FRMPD2: variants seen among roughly 807,000 people sequenced by gnomAD.
The protein encoded by FRMPD2 is FERM and PDZ domain-containing protein 2.
FRMPD2 carries 96 observed loss-of-function variants against 140.1 expected under a neutral mutation model. The ratio of observed to expected loss-of-function variants is 0.69; its 90% confidence interval spans 0.58 to 0.81. The LOEUF is 0.81. FRMPD2 is among the 40% of genes least tolerant of loss of function. The pLI is 0.00. For missense variants in FRMPD2, 1,240 were observed against 1,447.4 expected (o/e 0.86, Z 2.32); for synonymous variants, 449 against 547.6 (o/e 0.82, Z 2.52).
At chr10:48,193,947 G>C (rs1246116522) in intron 15 of FRMPD2, among the ~76,000 whole-genome samples, 1 of 152,192 alleles carries the variant, frequency 6.6e-6, no homozygotes, top group Non-Finnish European at 1.5e-5. Flanking sequence ...CTGCATGCAT[G>C]AGGCACTATG....
intron 12 of FRMPD2, among the ~76,000 whole-genome samples, chr10:48,216,565 G>T (rs1041252201): frequency 8.5e-5 from 13 of 152,144 alleles, no homozygotes; most frequent in Non-Finnish European, 1.8e-4. Context: ...TCCTGTATCT[G>T]AATCTACAGA....
chr10:48,189,101 C>A (rs1243262959), intron 16 of FRMPD2, among the ~76,000 whole-genome samples: 1 of 152,146 alleles, frequency 6.6e-6, no homozygotes, highest in Non-Finnish European at 1.5e-5. Flanking sequence ...TATTTTACCA[C>A]CATTTAAAAA....
At chr10:48,244,730 T>G in intron 4 of FRMPD2, 54 bp downstream of exon 4, 1 of 1,391,614 alleles carries the variant, frequency 7.2e-7, no homozygotes, top group Non-Finnish European at 1.0e-6. Flanking sequence ...AGAAAACCAC[T>G]AAATAAACCC....
At chr10:48,160,043 A>G (rs1463263717) in intron 28 of FRMPD2, among the ~76,000 whole-genome samples, 2 of 151,582 alleles carry the variant, frequency 1.3e-5, no homozygotes, top group African/African-American at 4.9e-5. Context: ...GGCAAATAAC[A>G]TCACTCCTTC....
intron 18 of FRMPD2, 116 bp downstream of exon 18, chr10:48,185,437 A>G (rs1240193930): frequency 1.4e-6 from 1 of 724,218 alleles, no homozygotes; most frequent in Non-Finnish European, 2.5e-6. Context: ...GAAAAGGCAG[A>G]CTGGGAGAGG....
chr10:48,261,031 T>C (rs1840581278), intron 1 of FRMPD2, among the ~76,000 whole-genome samples: 1 of 152,084 alleles, frequency 6.6e-6, no homozygotes, highest in Admixed American at 6.6e-5. Context: ...GCTCATCCAG[T>C]AGATTAGACA....
intron 27 of FRMPD2, among the ~76,000 whole-genome samples, chr10:48,167,857 A>C (rs1838139096): frequency 6.6e-6 from 1 of 150,934 alleles, no homozygotes; most frequent in Admixed American, 6.6e-5. Flanking sequence ...CTGTCAGCTG[A>C]AGCCCTTAAG....
chr10:48,190,103 T>C (rs140244272), intron 16 of FRMPD2, among the ~76,000 whole-genome samples: 274 of 152,320 alleles, frequency 1.8e-3, no homozygotes, highest in African/African-American at 6.2e-3. Context: ...CCCGGCAGAA[T>C]GGCCTCTGTA....
In FRMPD2 at chr10:48,232,282, T is replaced by G; in HGVS notation, c.1001A>C (p.Lys334Thr). 6.2e-7 allele frequency: 1 copy of G among 1,609,616 alleles called. No homozygotes were observed. The highest frequency in any genetic ancestry group is 8.5e-7 in the Non-Finnish European group (1 of 1,177,478). ...LHLPGSVVTKKGKSYLALRDL... is the reference protein window; with the variant it reads ...LHLPGSVVTKTGKSYLALRDL... Reference sequence around the variant, plus strand: ...CCTGAGAGCCAAATAGGATTTCCCTTTTTTGGTCTGAAAACAACAACAGTA... The same window carrying G: ...CCTGAGAGCCAAATAGGATTTCCCTGTTTTGGTCTGAAAACAACAACAGTA... The change falls in exon 10 of 29, where the codon AAA becomes ACA. Residue 334 changes from lysine (K) to threonine (T), a missense_variant. By Grantham distance (78) the Lys-to-Thr change is moderately conservative. Coordinates refer to ENST00000374201, the MANE Select transcript of FRMPD2 (RefSeq NM_001018071.4).
At chr10:48,248,928 C>T in intron 3 of FRMPD2, 93 bp downstream of exon 3, 1 of 1,209,654 alleles carries the variant, frequency 8.3e-7, no homozygotes, top group Non-Finnish European at 1.1e-6. Context: ...CCAAGCTCTG[C>T]AAGGCTGAGC....
At chr10:48,204,486 T>C (rs1839159897) in intron 14 of FRMPD2, among the ~76,000 whole-genome samples, 1 of 152,182 alleles carries the variant, frequency 6.6e-6, no homozygotes, top group Non-Finnish European at 1.5e-5. Context: ...AACTAAACTA[T>C]ATTTCTATCC....
At chr10:48,192,915 A>T in intron 15 of FRMPD2, 21 bp from the exon 16 acceptor site, 1 of 1,557,698 alleles carries the variant, frequency 6.4e-7, no homozygotes. Flanking sequence ...GGAGAAAAAC[A>T]TAGACATACA....
At position 48,184,507 on chromosome 10, in the gene FRMPD2, T is replaced by A. The variant is rs566854235; in HGVS notation, c.2584+59A>T. ...TTCAAGGTCTAGTACCTCACAGTAA[T>A]CATGTACTCCTGAAAACAGGGGAGC... On this transcript the variant is annotated intron_variant, in intron 20 of 28. Coordinates refer to ENST00000374201, the MANE Select transcript of FRMPD2 (RefSeq NM_001018071.4). 23 of 1,020,422 alleles carry A rather than the reference T, an allele frequency of 2.3e-5. No homozygotes were observed. In the South Asian group the frequency reaches 2.9e-4, roughly 13 times the overall value. 63.2% of individuals were successfully genotyped at this position (1,020,422 alleles called of 1,614,324 possible).
chr10:48,231,701 C>T (rs947363978), intron 10 of FRMPD2, among the ~76,000 whole-genome samples: 16 of 152,254 alleles, frequency 1.1e-4, no homozygotes, highest in African/African-American at 3.1e-4. Context: ...TCTAATAGAA[C>T]GTCAGAGAGG....
At chr10:48,224,041 A>G (rs887524606) in intron 10 of FRMPD2, among the ~76,000 whole-genome samples, 2 of 152,214 alleles carry the variant, frequency 1.3e-5, no homozygotes, top group African/African-American at 2.4e-5. Context: ...TGAGCTGCCT[A>G]AGGCATGGTG....
intron 9 of FRMPD2, among the ~76,000 whole-genome samples, chr10:48,235,348 A>G (rs1006540654): frequency 6.6e-6 from 1 of 152,188 alleles, no homozygotes; most frequent in Non-Finnish European, 1.5e-5. Context: ...TGGTCATTGC[A>G]TAGGAATTGG....
intron 12 of FRMPD2, among the ~76,000 whole-genome samples, chr10:48,219,632 G>A (rs1839534252): frequency 6.6e-6 from 1 of 152,190 alleles, no homozygotes; most frequent in South Asian, 2.1e-4. Context: ...AACAGCTCAA[G>A]TGGTTGGTTT....
chr10:48,190,974 A>C (rs149692907), intron 16 of FRMPD2, among the ~76,000 whole-genome samples: 1 of 152,296 alleles, frequency 6.6e-6, no homozygotes, highest in Non-Finnish European at 1.5e-5. Flanking sequence ...GTTGGGTGAC[A>C]AATGAAAGAT....
At chr10:48,171,634 C>T (rs1330142509) in intron 25 of FRMPD2, among the ~76,000 whole-genome samples, 244 of 152,366 alleles carry the variant, frequency 1.6e-3, no homozygotes, top group African/African-American at 5.7e-3. Flanking sequence ...ACGAACTAAG[C>T]TTTCAAAATC....
Sources: gnomAD v4.1 joint callset for allele counts (sites outside exome capture counted in the v4.1 genomes callset) on GRCh38, gnomAD v4.1.1 for gene constraint, MANE v1.5 for transcripts, NCBI Gene and HGNC (gene_info 2026-07-23, HGNC 2026-07-21) for gene names.